Variants in PPP1R9A observed in about 807,000 individuals in gnomAD.
PPP1R9A encodes the protein neurabin-1.
In PPP1R9A, 59 loss-of-function variants were observed where a neutral mutation model predicts 141.9. The observed-to-expected ratio is 0.42, with a 90% CI of 0.34 to 0.52. The LOEUF is 0.52. Ranked by LOEUF, PPP1R9A falls within the 20% of genes least tolerant of loss-of-function variation. The pLI is 0.10. For missense variants in PPP1R9A, 1,444 were observed against 1,611.9 expected (o/e 0.90, Z 1.78); for synonymous variants, 500 against 569.7 (o/e 0.88, Z 1.74).
chr7:94,921,446 C>CAA (rs201039573), intron 2 of PPP1R9A, among the ~76,000 whole-genome samples: 16 of 92,140 alleles, frequency 1.7e-4, no homozygotes, highest in East Asian at 6.2e-4. Flanking sequence ...GACTCCGGCT[C>CAA]AAAAAAAAAA....
At chr7:95,221,323 G>A (rs746937358) in intron 7 of PPP1R9A, among the ~76,000 whole-genome samples, 2 of 152,194 alleles carry the variant, frequency 1.3e-5, no homozygotes, top group East Asian at 1.9e-4. Context: ...AGATATAGAC[G>A]CTAATTCCCA....
intron 2 of PPP1R9A, among the ~76,000 whole-genome samples, chr7:95,000,953 C>G (rs1457477079): frequency 6.6e-6 from 1 of 152,174 alleles, no homozygotes; most frequent in Admixed American, 6.5e-5. Context: ...AAGGTTGATT[C>G]TGATCTTTAA....
intron 2 of PPP1R9A, among the ~76,000 whole-genome samples, chr7:95,056,776 A>G (rs1271727357): frequency 1.3e-5 from 2 of 152,084 alleles, no homozygotes; most frequent in African/African-American, 2.4e-5. Context: ...TTTAACTAGT[A>G]TATTTTTGCA....
intron 7 of PPP1R9A, among the ~76,000 whole-genome samples, chr7:95,208,592 T>C (rs988902890): frequency 6.6e-6 from 1 of 151,382 alleles, no homozygotes; most frequent in Admixed American, 6.6e-5. Flanking sequence ...GGCATGGTGG[T>C]GGGTGCCTGT....
chr7:95,197,635 C>T (rs970768627), intron 5 of PPP1R9A, among the ~76,000 whole-genome samples: 5 of 151,916 alleles, frequency 3.3e-5, no homozygotes, highest in East Asian at 1.9e-4. Flanking sequence ...TTATGCTATG[C>T]GTCAAAATGT....
intron 7 of PPP1R9A, among the ~76,000 whole-genome samples, chr7:95,220,398 A>G (rs1585320952): frequency 6.6e-6 from 1 of 152,106 alleles, no homozygotes; most frequent in Non-Finnish European, 1.5e-5. Context: ...GATTAGCGCC[A>G]TTTAGTTTCC....
At chr7:95,076,192 C>T (rs560187525) in intron 2 of PPP1R9A, among the ~76,000 whole-genome samples, 2 of 152,230 alleles carry the variant, frequency 1.3e-5, no homozygotes, top group African/African-American at 4.8e-5. Flanking sequence ...TGTGAGCCAC[C>T]GCACTCAGCC....
intron 6 of PPP1R9A, among the ~76,000 whole-genome samples, chr7:95,202,799 A>G (rs975757385): frequency 2.0e-5 from 3 of 152,086 alleles, no homozygotes; most frequent in Non-Finnish European, 4.4e-5. Context: ...TAAGAGCATT[A>G]TGCCGTTTGA....
chr7:95,095,204 G>A (rs1010415618), intron 2 of PPP1R9A, among the ~76,000 whole-genome samples: 2 of 152,298 alleles, frequency 1.3e-5, no homozygotes, highest in Non-Finnish European at 2.9e-5. Context: ...TGCTTACAGA[G>A]CATTCACCTA....
At position 95,133,345 on chromosome 7, in the gene PPP1R9A, C is replaced by T. The variant is rs375995493; in HGVS notation, c.1649+12513C>T. 2.0e-4 allele frequency among the ~76,000 whole-genome samples: 31 copies of T among 151,936 alleles called. 1 individual carries two copies. The highest frequency in any genetic ancestry group is 6.8e-4 in the African/African-American group (28 of 41,366). ...TCACCAGGGACCTGTCCCTGTCTGC[C>T]TAGGAATTTGTCTGCCTCCTTATGC... On this transcript the variant is annotated intron_variant, in intron 4 of 19. Transcript: ENST00000433360.
chr7:95,231,698 T>C (rs906822936), intron 8 of PPP1R9A, among the ~76,000 whole-genome samples: 6 of 152,034 alleles, frequency 3.9e-5, no homozygotes, highest in Admixed American at 1.3e-4. Flanking sequence ...AACTATATGA[T>C]AATAGTGACA....
At chr7:95,151,428 G>A (rs115106369) in intron 4 of PPP1R9A, among the ~76,000 whole-genome samples, 1,567 of 152,252 alleles carry the variant, frequency 0.01, 25 homozygotes, top group African/African-American at 0.036. Flanking sequence ...AAACTATGGA[G>A]ACAGTAAAAA....
At chr7:95,086,297 T>G (rs1251901626) in intron 2 of PPP1R9A, among the ~76,000 whole-genome samples, 1 of 152,058 alleles carries the variant, frequency 6.6e-6, no homozygotes, top group Non-Finnish European at 1.5e-5. Context: ...TTTTATGTCT[T>G]AACACATATT....
intron 5 of PPP1R9A, chr7:95,176,599 C>T (rs1419348058): frequency 4.7e-5 from 7 of 149,532 alleles, no homozygotes; most frequent in Admixed American, 4.7e-4. Flanking sequence ...AAGCCTAATG[C>T]AAGGAAATCC....
At chr7:95,111,151 T>A in intron 2 of PPP1R9A, 108 bp from the exon 3 acceptor site, 1 of 1,189,834 alleles carries the variant, frequency 8.4e-7, no homozygotes, top group Non-Finnish European at 1.2e-6. Flanking sequence ...GACAAAACAG[T>A]TGTTTAGAAG....
chr7:95,246,262 A>G (rs1426025559), intron 8 of PPP1R9A, among the ~76,000 whole-genome samples: 2 of 152,198 alleles, frequency 1.3e-5, no homozygotes, highest in African/African-American at 2.4e-5. Context: ...TGGTCTCCAC[A>G]GGTTCACATT....
At chr7:95,270,967 G>T (rs854527) in intron 14 of PPP1R9A, among the ~76,000 whole-genome samples, 17 of 151,838 alleles carry the variant, frequency 1.1e-4, no homozygotes, top group African/African-American at 3.9e-4. Flanking sequence ...GAGAGATTGC[G>T]TCCAGCTGAG....
At chr7:95,059,341 A>G (rs1811911787) in intron 2 of PPP1R9A, among the ~76,000 whole-genome samples, 1 of 152,130 alleles carries the variant, frequency 6.6e-6, no homozygotes, top group Non-Finnish European at 1.5e-5. Flanking sequence ...TCTTGTGTAT[A>G]CTTTTATATT....
chr7:95,048,051 ACTT>A (rs1810278223), intron 2 of PPP1R9A, among the ~76,000 whole-genome samples: 1 of 152,178 alleles, frequency 6.6e-6, no homozygotes, highest in Non-Finnish European at 1.5e-5. Flanking sequence ...GAATAAGAAA[ACTT>A]CATTATATTT....
Sources: gnomAD v4.1 joint callset for allele counts (sites outside exome capture counted in the v4.1 genomes callset) on GRCh38, gnomAD v4.1.1 for gene constraint, MANE v1.5 for transcripts, NCBI Gene and HGNC (gene_info 2026-07-23, HGNC 2026-07-21) for gene names.